The following AATF variants were observed in gnomAD, a reference collection of about 807,000 sequenced individuals.
AATF encodes protein AATF.
AATF carries 48 observed loss-of-function variants against 63.7 expected under a neutral mutation model. That is an observed-to-expected ratio of 0.75 (90% CI 0.60 to 0.96). The LOEUF (loss-of-function observed/expected upper bound fraction) is 0.96. Ranked by LOEUF, AATF falls within the 40% of genes least tolerant of loss-of-function variation. The pLI, the probability that AATF is intolerant of heterozygous loss-of-function variation, is 0.00. For missense variants in AATF, 639 were observed against 685.7 expected (o/e 0.93, Z 0.76); for synonymous variants, 258 against 247.7 (o/e 1.04, Z -0.39).
chr17:37,037,293 G>T (rs930920740), intron 11 of AATF, among the ~76,000 whole-genome samples: 1 of 152,132 alleles, frequency 6.6e-6, no homozygotes, highest in African/African-American at 2.4e-5. Context: ...GGGATTATAG[G>T]CGTGAGCCAC....
chr17:36,961,688 T>TG (rs569746537), intron 4 of AATF, among the ~76,000 whole-genome samples: 191 of 151,286 alleles, frequency 1.3e-3, no homozygotes, highest in African/African-American at 4.5e-3. Context: ...TTTTTTTTTT[T>TG]GGAGACAGAG....
chr17:37,008,833 G>A (rs1376515636), intron 8 of AATF, among the ~76,000 whole-genome samples: 1 of 152,188 alleles, frequency 6.6e-6, no homozygotes, highest in Non-Finnish European at 1.5e-5. Context: ...GAGCGACAAA[G>A]CAAGGGCCTG....
At chr17:36,982,672 TTTTG>T (rs1567972813) in intron 4 of AATF, among the ~76,000 whole-genome samples, 3 of 152,150 alleles carry the variant, frequency 2.0e-5, no homozygotes, top group African/African-American at 4.8e-5. Context: ...TTGTTGTTTT[TTTTG>T]TTTGTTTGTT....
chr17:36,991,879 C>T (rs1386486677), intron 8 of AATF, among the ~76,000 whole-genome samples: 1 of 152,178 alleles, frequency 6.6e-6, no homozygotes, highest in East Asian at 1.9e-4. Context: ...GCCACTGCAC[C>T]CGGCCAGACA....
rs2070878290 is a variant in AATF, at chr17:36,953,936, C to T, written c.832+29C>T. ...AGAATACTTATGTCCTGTTGGAATA[C>T]TTAGAACCACTTTGTCAAATGAAGA... On this transcript the variant is annotated intron_variant, in intron 4 of 11. Transcript: ENST00000619387. The T allele has an allele frequency of 3.7e-6, 6 of 1,602,222 alleles. No homozygotes were observed. The East Asian group carries it at 1.3e-4, about 36-fold the overall frequency.
At chr17:36,987,727 G>C (rs1046197834) in intron 5 of AATF, among the ~76,000 whole-genome samples, 3 of 152,216 alleles carry the variant, frequency 2.0e-5, no homozygotes, top group African/African-American at 7.2e-5. Context: ...AGTGCTAATT[G>C]TTGCCTACCG....
chr17:37,040,349 C>A (rs1464686105), intron 11 of AATF, among the ~76,000 whole-genome samples: 1 of 152,066 alleles, frequency 6.6e-6, no homozygotes, highest in African/African-American at 2.4e-5. Context: ...AAGTCTGTCC[C>A]CTGTGTCTGA....
chr17:36,952,169 G>A (rs1471965499), intron 2 of AATF, among the ~76,000 whole-genome samples: 1 of 152,188 alleles, frequency 6.6e-6, no homozygotes, highest in Non-Finnish European at 1.5e-5. Context: ...TTATCTATGA[G>A]CTGTTGCCTT....
intron 4 of AATF, among the ~76,000 whole-genome samples, chr17:36,974,320 C>G (rs993111036): frequency 9.9e-5 from 15 of 152,094 alleles, no homozygotes; most frequent in Admixed American, 2.6e-4. Context: ...AAATATTGTT[C>G]TATAGCATTA....
intron 4 of AATF, among the ~76,000 whole-genome samples, chr17:36,970,423 G>A (rs1445102601): frequency 1.3e-5 from 2 of 152,088 alleles, no homozygotes; most frequent in Admixed American, 6.6e-5. Flanking sequence ...TTAATCAGTG[G>A]AATAGAATAG....
chr17:36,952,490 C>G (rs758344275), intron 2 of AATF, among the ~76,000 whole-genome samples: 20 of 152,214 alleles, frequency 1.3e-4, no homozygotes, highest in Non-Finnish European at 2.2e-4. Context: ...TTCTCTAACA[C>G]CAGTTGAAAT....
intron 4 of AATF, among the ~76,000 whole-genome samples, chr17:36,967,786 T>C (rs1195254052): frequency 1.3e-5 from 2 of 152,138 alleles, no homozygotes; most frequent in African/African-American, 4.8e-5. Flanking sequence ...TAGAATTCTA[T>C]AGAATGTTAC....
intron 10 of AATF, among the ~76,000 whole-genome samples, chr17:37,023,619 T>C (rs2071489621): frequency 7.0e-6 from 1 of 142,828 alleles, no homozygotes; most frequent in Non-Finnish European, 1.5e-5. Flanking sequence ...GCATTCTTTT[T>C]AAACAGAGTT....
In AATF at chr17:37,012,448, T is replaced by C. The variant is rs181831798; in HGVS notation, c.1399-6557T>C. Among the ~76,000 whole-genome samples, 17 of 152,238 alleles carry C rather than the reference T, an allele frequency of 1.1e-4. No individual in the cohort carries two copies. The East Asian group carries it at 3.1e-3, about 28-fold the overall frequency. On this transcript the variant is annotated intron_variant, in intron 8 of 11. Coordinates refer to ENST00000619387, the MANE Select transcript of AATF (RefSeq NM_012138.4). ...AAATAGATACATTTTCACTAAGAAG[T>C]CTTGTGGGAGAGAGAGGGAATTCAC...
chr17:37,032,797 A>C (rs1159674517), intron 11 of AATF, among the ~76,000 whole-genome samples: 1 of 152,134 alleles, frequency 6.6e-6, no homozygotes, highest in African/African-American at 2.4e-5. Context: ...AATAATTAAA[A>C]TTTTTCAATG....
At chr17:37,051,185 T>G (rs1038664320) in intron 11 of AATF, 1 of 152,222 alleles carries the variant, frequency 6.6e-6, no homozygotes, top group African/African-American at 2.4e-5. Context: ...CTGCACAGGC[T>G]TTTTCGGGGA....
In AATF at chr17:36,981,528, C is replaced by T. The variant is rs575664121; in HGVS notation, c.833-5089C>T. Among the ~76,000 whole-genome samples, 13 of 151,780 alleles carry T rather than the reference C, an allele frequency of 8.6e-5. No homozygotes were observed. In the East Asian group the frequency reaches 1.2e-3, roughly 14 times the overall value. On this transcript the variant is annotated intron_variant, in intron 4 of 11. Transcript: ENST00000619387. The stretch of plus-strand genomic sequence containing the variant: ...GGATGATCATGGGTCACTGCAGCCT[C>T]GAACTCCTGGGCTCAAGTGATCCTC...
chr17:37,027,475 A>G (rs2071519604), intron 10 of AATF, among the ~76,000 whole-genome samples: 1 of 152,186 alleles, frequency 6.6e-6, no homozygotes, highest in African/African-American at 2.4e-5. Flanking sequence ...TTCATCATGT[A>G]GTTAATAGTT....
chr17:37,055,508 G>A (rs2071790554), intron 11 of AATF: 1 of 152,188 alleles, frequency 6.6e-6, no homozygotes, highest in Non-Finnish European at 1.5e-5. Flanking sequence ...AAAGTCTGAT[G>A]TGCCGATGCT....
Sources: allele counts gnomAD v4.1 joint callset (sites outside exome capture counted in the v4.1 genomes callset), GRCh38; gene constraint gnomAD v4.1.1; transcripts MANE v1.5; gene names NCBI Gene and HGNC (gene_info 2026-07-23, HGNC 2026-07-21).